Variants in ARHGAP10 observed in about 807,000 individuals in gnomAD.
The protein encoded by ARHGAP10 is Rho GTPase activating protein 10.
A neutral mutation model predicts 108.6 loss-of-function variants in ARHGAP10; 87 were observed. The ratio of observed to expected loss-of-function variants is 0.80; its 90% CI spans 0.67 to 0.96. The LOEUF is 0.96. Ranked by LOEUF, ARHGAP10 falls within the 40% of genes least tolerant of loss-of-function variation. ARHGAP10 has a pLI of 0.00. For synonymous variants in ARHGAP10, 347 were observed against 341.1 expected, an observed-to-expected ratio of 1.02 and a Z score of -0.19; for missense variants, 939 against 954.5, an observed-to-expected ratio of 0.98 and a Z score of 0.21.
chr4:147,907,380 A>T (rs1266753167), intron 11 of ARHGAP10, among the ~76,000 whole-genome samples: 2 of 152,196 alleles, frequency 1.3e-5, no homozygotes, highest in Non-Finnish European at 2.9e-5. Context: ...ATTGTAGAAA[A>T]CGCCACAGAA....
At chr4:147,946,769 C>A in intron 15 of ARHGAP10, 65 bp downstream of exon 15, 3 of 1,231,534 alleles carry the variant, frequency 2.4e-6, no homozygotes, top group South Asian at 1.9e-5. Context: ...AAAACAGATG[C>A]CAATTGTGTA....
intron 10 of ARHGAP10, among the ~76,000 whole-genome samples, chr4:147,904,998 T>C (rs973796209): frequency 6.6e-6 from 1 of 152,226 alleles, no homozygotes; most frequent in African/African-American, 2.4e-5. Flanking sequence ...GTGAGCATTT[T>C]TTCATGTGTT....
intron 18 of ARHGAP10, among the ~76,000 whole-genome samples, chr4:147,977,985 G>A (rs1158135493): frequency 2.0e-5 from 3 of 152,156 alleles, no homozygotes; most frequent in South Asian, 2.1e-4. Flanking sequence ...TGCAAAGGAC[G>A]TGATTTTGGT....
At chr4:147,966,921 T>TTC in intron 18 of ARHGAP10, 82 bp downstream of exon 18, 1 of 1,227,898 alleles carries the variant, frequency 8.1e-7, no homozygotes, top group Non-Finnish European at 1.1e-6. Flanking sequence ...GATTTCCCTT[T>TTC]TCTCTCTCTC....
intron 1 of ARHGAP10, among the ~76,000 whole-genome samples, chr4:147,794,910 A>G (rs1731255749): frequency 6.6e-6 from 1 of 152,212 alleles, no homozygotes; most frequent in Non-Finnish European, 1.5e-5. Context: ...GGTTTCCAAC[A>G]TGTTATCACT....
At chr4:147,738,117 A>T (rs1033983605) in intron 1 of ARHGAP10, among the ~76,000 whole-genome samples, 1 of 151,596 alleles carries the variant, frequency 6.6e-6, no homozygotes, top group Non-Finnish European at 1.5e-5. Context: ...AAAATAGCTG[A>T]TGGAATATAA....
chr4:148,067,532 T>C (rs999529509), intron 22 of ARHGAP10, among the ~76,000 whole-genome samples: 10 of 152,322 alleles, frequency 6.6e-5, no homozygotes, highest in African/African-American at 1.9e-4. Context: ...CTGCCGGGAA[T>C]GCTCCCTTTC....
intron 18 of ARHGAP10, among the ~76,000 whole-genome samples, chr4:147,976,074 A>G (rs1739581887): frequency 6.6e-6 from 1 of 152,204 alleles, no homozygotes; most frequent in Non-Finnish European, 1.5e-5. Context: ...TCCTGTGGCT[A>G]CAAACACAAT....
At chr4:147,998,544 G>C (rs1423755168) in intron 18 of ARHGAP10, among the ~76,000 whole-genome samples, 1 of 152,206 alleles carries the variant, frequency 6.6e-6, no homozygotes, top group Admixed American at 6.5e-5. Context: ...TTGTAGATCA[G>C]TTTTACTTAC....
At chr4:147,783,045 C>T (rs1410364190) in intron 1 of ARHGAP10, among the ~76,000 whole-genome samples, 1 of 135,220 alleles carries the variant, frequency 7.4e-6, no homozygotes, top group African/African-American at 2.7e-5. Flanking sequence ...AAATTATATA[C>T]TATATGTTAA....
chr4:147,936,406 G>A (rs1737940121), intron 13 of ARHGAP10, among the ~76,000 whole-genome samples: 1 of 131,744 alleles, frequency 7.6e-6, no homozygotes, highest in African/African-American at 2.9e-5. Flanking sequence ...TCGGCTCACT[G>A]CAAGCTCCGC....
At chr4:148,002,737 T>G (rs1277948722) in intron 18 of ARHGAP10, among the ~76,000 whole-genome samples, 1 of 152,240 alleles carries the variant, frequency 6.6e-6, no homozygotes, top group Non-Finnish European at 1.5e-5. Context: ...GTAGTTTGTA[T>G]TTCTGTGGGA....
At chr4:148,064,532 T>G (rs2149691458) in intron 22 of ARHGAP10, 25 bp downstream of exon 22, 1 of 1,590,114 alleles carries the variant, frequency 6.3e-7, no homozygotes, top group South Asian at 1.1e-5. Flanking sequence ...GAGCTTCGTC[T>G]GTTAATCCTG....
Position 147,972,580 on chromosome 4 carries a change from G to T in ARHGAP10, c.1716+5741G>T, listed in dbSNP as rs186123374. On this transcript the variant is annotated intron_variant, in intron 18 of 22. Transcript: ENST00000336498. Reference sequence around the variant, plus strand: ...AGAAACACCAAGATTTTCCTGTTAGGGGTAATAGAGGAGCCAGAAGAAACC... The same window carrying T: ...AGAAACACCAAGATTTTCCTGTTAGTGGTAATAGAGGAGCCAGAAGAAACC... Among the ~76,000 whole-genome samples, 21 of 152,188 alleles carry T rather than the reference G, an allele frequency of 1.4e-4. No homozygotes were observed. In the East Asian group the frequency reaches 3.7e-3, roughly 27 times the overall value.
At chr4:147,882,263 C>A (rs1735356835) in intron 10 of ARHGAP10, among the ~76,000 whole-genome samples, 1 of 152,006 alleles carries the variant, frequency 6.6e-6, no homozygotes, top group African/African-American at 2.4e-5. Context: ...GAGTTCAAGA[C>A]CATCCAGGCC....
intron 7 of ARHGAP10, among the ~76,000 whole-genome samples, chr4:147,872,292 G>A (rs1056385526): frequency 1.8e-4 from 27 of 152,202 alleles, no homozygotes; most frequent in African/African-American, 6.0e-4. Context: ...AAGTGAGCAC[G>A]TAAGCAGACA....
chr4:148,050,082 G>C (rs1729065574), intron 20 of ARHGAP10, among the ~76,000 whole-genome samples: 1 of 152,090 alleles, frequency 6.6e-6, no homozygotes, highest in South Asian at 2.1e-4. Flanking sequence ...GGTGAGGCTG[G>C]TTTCAAACTC....
chr4:147,805,834 TTAAC>T (rs1200938649), intron 1 of ARHGAP10, among the ~76,000 whole-genome samples: 2 of 152,170 alleles, frequency 1.3e-5, no homozygotes, highest in East Asian at 3.9e-4. Context: ...AAAAGGTAAA[TTAAC>T]TATCTTACTC....
rs542419251 is a variant in ARHGAP10 at position 147,906,120 on chromosome 4, C to T, written c.1035-518C>T. ...TTGCTGAAGGTGCATCTTTTCTTAA[C>T]GCTCCTCTGCCATTTGTATATTCAT... is the stretch of plus-strand genomic sequence containing the variant. On this transcript the variant is annotated intron_variant, in intron 10 of 22. Coordinates refer to ENST00000336498, the MANE Select transcript of ARHGAP10 (RefSeq NM_024605.4). Among the ~76,000 whole-genome samples the T allele has an allele frequency of 1.1e-4, 16 of 152,188 alleles. No individual in the cohort carries two copies. The South Asian group carries it at 1.7e-3, about 16-fold the overall frequency.
Sources: gnomAD v4.1 joint callset for allele counts (sites outside exome capture counted in the v4.1 genomes callset) on GRCh38, gnomAD v4.1.1 for gene constraint, MANE v1.5 for transcripts, NCBI Gene and HGNC (gene_info 2026-07-23, HGNC 2026-07-21) for gene names.